MITF: variants seen among roughly 807,000 people sequenced by gnomAD.
MITF encodes melanocyte inducing transcription factor, also known as microphthalmia-associated transcription factor.
A neutral mutation model predicts 60.5 loss-of-function variants in MITF; 17 were observed. That is an observed-to-expected ratio of 0.28 (90% confidence interval 0.19 to 0.42). The LOEUF (loss-of-function observed/expected upper bound fraction) is 0.42. MITF is among the 10% of genes least tolerant of loss of function. The probability of loss-of-function intolerance (pLI) is 1.00; values close to 1 mark genes in which losing one functional copy is unlikely to be tolerated. For missense variants in MITF, 622 were observed against 683.5 expected (o/e 0.91, Z 1.00); for synonymous variants, 260 against 248.5 (o/e 1.05, Z -0.43).
intron 1 of MITF, among the ~76,000 whole-genome samples, chr3:69,754,923 G>A (rs2106781128): frequency 6.6e-6 from 1 of 152,040 alleles, no homozygotes; most frequent in East Asian, 1.9e-4. Context: ...CAGTGTGGGG[G>A]TTGGGGGGAG....
intron 5 of MITF, among the ~76,000 whole-genome samples, chr3:69,942,249 TTGA>T (rs2065985236): frequency 6.6e-6 from 1 of 152,156 alleles, no homozygotes; most frequent in Non-Finnish European, 1.5e-5. Flanking sequence ...GGAGATCTGT[TTGA>T]TAACAATGTG....
intron 1 of MITF, among the ~76,000 whole-genome samples, chr3:69,775,182 G>T (rs1016581684): frequency 6.6e-6 from 1 of 151,936 alleles, no homozygotes; most frequent in Non-Finnish European, 1.5e-5. Flanking sequence ...ATATGCATCC[G>T]TATGTTCAGT....
intron 1 of MITF, among the ~76,000 whole-genome samples, chr3:69,864,272 T>C (rs924937698): frequency 6.6e-6 from 1 of 152,202 alleles, no homozygotes; most frequent in African/African-American, 2.4e-5. Context: ...ATCTATGTTC[T>C]TGATTTTCAT....
In MITF at chr3:69,941,282, A is replaced by G; in HGVS notation, c.713A>G (p.Asn238Ser). 1 of 1,613,348 alleles carries G rather than the reference A, an allele frequency of 6.2e-7. No individual in the cohort carries two copies. The highest frequency in any genetic ancestry group is 8.5e-7 in the Non-Finnish European group (1 of 1,179,530). The part of the protein sequence containing the change: ...DDIISLESSY[N>S]EEILGLMDPA... ...ATCATTAGCCTAGAATCAAGTTATA[A>G]TGAGGAAATCTTGGGCTTGATGGAT... Residue 238 changes from asparagine (N) to serine (S), a missense_variant, in exon 5 of 10, where the codon AAT becomes AGT. Transcript: ENST00000352241.
intron 2 of MITF, among the ~76,000 whole-genome samples, chr3:69,923,927 A>T (rs1263516378): frequency 6.6e-6 from 1 of 151,376 alleles, no homozygotes; most frequent in Non-Finnish European, 1.5e-5. Context: ...TTTTTTTGGC[A>T]AAGTACTTTT....
intron 2 of MITF, among the ~76,000 whole-genome samples, chr3:69,890,344 C>T (rs910246628): frequency 2.0e-5 from 3 of 152,132 alleles, no homozygotes; most frequent in Admixed American, 6.6e-5. Context: ...ACACATCTTA[C>T]TCATACTCTC....
intron 1 of MITF, among the ~76,000 whole-genome samples, chr3:69,781,494 G>A (rs936885975): frequency 1.3e-5 from 2 of 152,118 alleles, no homozygotes; most frequent in Non-Finnish European, 2.9e-5. Flanking sequence ...ACACCAGCGA[G>A]CATTAAACCA....
chr3:69,748,116 C>T lies in MITF; in HGVS notation c.104+8415C>T, dbSNP rs527291705. 7.2e-5 allele frequency among the ~76,000 whole-genome samples: 11 copies of T among 152,312 alleles called. No homozygotes were observed. The South Asian group carries it at 2.3e-3, about 32-fold the overall frequency. ...CCTCCCACATACCACCTCCAGTGTT[C>T]ACCAACTTTGACATCCACAGGAAGT... On this transcript the variant is annotated intron_variant, in intron 1 of 9. Coordinates refer to ENST00000352241, the MANE Select transcript of MITF (RefSeq NM_001354604.2).
intron 1 of MITF, among the ~76,000 whole-genome samples, chr3:69,845,444 T>TTC (rs1409697685): frequency 1.4e-5 from 2 of 147,020 alleles, no homozygotes; most frequent in Admixed American, 6.8e-5. Flanking sequence ...TTTTCTTTCT[T>TTC]TTTTTTTTTT....
intron 2 of MITF, among the ~76,000 whole-genome samples, chr3:69,928,806 T>C (rs1261130788): frequency 6.6e-6 from 1 of 152,194 alleles, no homozygotes; most frequent in Non-Finnish European, 1.5e-5. Flanking sequence ...GACTGCCAGC[T>C]TGGGGACCTT....
intron 5 of MITF, 70 bp from the exon 6 acceptor site, chr3:69,948,981 A>G (rs1307115708): frequency 2.7e-6 from 3 of 1,122,198 alleles, no homozygotes; most frequent in East Asian, 2.4e-5. Context: ...AGAGTAGGAT[A>G]TAGGTTTTAT....
At chr3:69,939,311 C>A in intron 4 of MITF, 130 bp downstream of exon 4, 2 of 785,006 alleles carry the variant, frequency 2.5e-6, no homozygotes, top group Non-Finnish European at 2.1e-6. Context: ...ATAGAGAAAG[C>A]TAGGAACATT....
At chr3:69,748,573 G>A (rs1456803624) in intron 1 of MITF, among the ~76,000 whole-genome samples, 1 of 152,200 alleles carries the variant, frequency 6.6e-6, no homozygotes, top group Non-Finnish European at 1.5e-5. Context: ...AAAATACTGG[G>A]TTGTGTGACA....
intron 2 of MITF, among the ~76,000 whole-genome samples, chr3:69,885,505 G>A (rs1373096404): frequency 6.6e-6 from 1 of 152,046 alleles, no homozygotes; most frequent in Non-Finnish European, 1.5e-5. Flanking sequence ...CATGAGACCA[G>A]TAGAACGTGC....
At position 69,937,908 on chromosome 3, in the gene MITF, A is replaced by G. The variant is rs1425567405; in HGVS notation, c.441A>G (p.Leu147=). The change falls in exon 3 of 10, where the codon TTA becomes TTG. Residue 147 remains leucine (L), a synonymous_variant. Transcript: ENST00000352241. ...QQVKQYLSTT[L]ANKHANQVLS... ...TAAAGCAGTACCTTTCTACCACTTT[A>G]GCAAATAAACATGCCAACCAAGTCC... is the stretch of plus-strand genomic sequence containing the variant. 1 of 1,614,136 alleles carries G rather than the reference A, an allele frequency of 6.2e-7. No homozygotes were observed. The highest frequency in any genetic ancestry group is 8.5e-7 in the Non-Finnish European group (1 of 1,180,020).
chr3:69,852,994 C>T (rs941438351), intron 1 of MITF, among the ~76,000 whole-genome samples: 1 of 151,866 alleles, frequency 6.6e-6, no homozygotes, highest in Non-Finnish European at 1.5e-5. Flanking sequence ...TAGATAAGTC[C>T]AGAAGGATAA....
chr3:69,748,506 G>A (rs560517812), intron 1 of MITF, among the ~76,000 whole-genome samples: 44 of 152,154 alleles, frequency 2.9e-4, no homozygotes, highest in Non-Finnish European at 5.7e-4. Context: ...CTCCCAAAGT[G>A]CAAGGATTAC....
rs2064695043 is a variant in MITF at position 69,889,031 on chromosome 3, T to TTG, written c.354+9649_354+9650insGT. 4.2e-5 allele frequency among the ~76,000 whole-genome samples: 6 copies of TTG among 144,420 alleles called. No homozygotes were observed. In the South Asian group the frequency reaches 1.4e-3, roughly 33 times the overall value. 94.7% of individuals were successfully genotyped at this position (144,420 alleles called of 152,430 possible). ...GCTGTAGTAATAGCCTTTGGTTTTT[T>TTG]TTTTTTTTTTTTTTTTTTTTGCATT... On this transcript the variant is annotated intron_variant, in intron 2 of 9. Coordinates refer to ENST00000352241, the MANE Select transcript of MITF (RefSeq NM_001354604.2).
At chr3:69,844,116 G>A (rs2107150568) in intron 1 of MITF, among the ~76,000 whole-genome samples, 1 of 152,292 alleles carries the variant, frequency 6.6e-6, no homozygotes, top group South Asian at 2.1e-4. Flanking sequence ...GTCTGTATGT[G>A]CTACATTTTC....
Sources: gnomAD v4.1 joint callset for allele counts (sites outside exome capture counted in the v4.1 genomes callset) on GRCh38, gnomAD v4.1.1 for gene constraint, MANE v1.5 for transcripts, NCBI Gene and HGNC (gene_info 2026-07-23, HGNC 2026-07-21) for gene names.